Variants in RAB3B observed in about 807,000 individuals in gnomAD.
The protein encoded by RAB3B is ras-related protein Rab-3B.
In RAB3B, 11 loss-of-function variants were observed where a neutral mutation model predicts 20.5. That is an observed-to-expected ratio of 0.54 (90% CI 0.34 to 0.89). The LOEUF (loss-of-function observed/expected upper bound fraction) is 0.89. Among genes scored for constraint, RAB3B ranks in the 40% least tolerant of loss-of-function variants. The probability of loss-of-function intolerance (pLI) is 0.02; values close to 1 mark genes in which losing one functional copy is unlikely to be tolerated. For synonymous variants in RAB3B, 99 were observed against 106.3 expected, an observed-to-expected ratio of 0.93 and a Z score of 0.42; for missense variants, 225 against 280.9, an observed-to-expected ratio of 0.80 and a Z score of 1.42.
chr1:51,912,120 C>CTTTTT lies in RAB3B; in HGVS notation c.*7802_*7806dup, dbSNP rs958329774. 7 of 131,854 alleles carry CTTTTT rather than the reference C, an allele frequency of 5.3e-5. 1 individual carries two copies. The highest frequency in any genetic ancestry group is 8.1e-5 in the Admixed American group (1 of 12,374). 8.2% of individuals were successfully genotyped at this position (131,854 alleles called of 1,614,324 possible). On this transcript the variant is annotated 3_prime_UTR_variant, in exon 5 of 5. Coordinates refer to ENST00000371655, the MANE Select transcript of RAB3B (RefSeq NM_002867.4). ...TCTTCTTTTTTTTCTTTCTTTCTTT[C>CTTTTT]TTTTTTTTTTTTTTTTGAGAGGGGG...
intron 3 of RAB3B, among the ~76,000 whole-genome samples, chr1:51,934,072 G>C (rs531351547): frequency 3.5e-4 from 53 of 152,252 alleles, no homozygotes; most frequent in Admixed American, 3.1e-3. Context: ...ACAGGTATTT[G>C]ATCACAATGA....
At chr1:51,952,524 G>A in intron 2 of RAB3B, among the ~76,000 whole-genome samples, 1 of 152,126 alleles carries the variant, frequency 6.6e-6, no homozygotes, top group East Asian at 1.9e-4. Flanking sequence ...CCTATATCAG[G>A]AATTTGCTTC....
At chr1:51,940,336 G>T (rs929475824) in intron 2 of RAB3B, among the ~76,000 whole-genome samples, 3 of 152,158 alleles carry the variant, frequency 2.0e-5, no homozygotes, top group African/African-American at 7.2e-5. Flanking sequence ...AAAAAAAAAT[G>T]AGTTGGCTGG....
Position 51,945,866 on chromosome 1 carries a change from G to A in RAB3B, c.229-8454C>T, listed in dbSNP as rs536342093. Among the ~76,000 whole-genome samples, 14 of 152,298 alleles carry A rather than the reference G, an allele frequency of 9.2e-5. No individual in the cohort carries two copies. The East Asian group carries it at 2.3e-3, about 25-fold the overall frequency. On this transcript the variant is annotated intron_variant, in intron 2 of 4. Transcript: ENST00000371655. ...TGAGCAGGCCTTGGCCTAACTCCCA[G>A]CTCTGCCATTCATCAGCAATGTGAT...
At chr1:51,940,804 A>G (rs1449281001) in intron 2 of RAB3B, among the ~76,000 whole-genome samples, 1 of 152,132 alleles carries the variant, frequency 6.6e-6, no homozygotes, top group African/African-American at 2.4e-5. Context: ...TTATTATTAC[A>G]TATCCATTAA....
In RAB3B at chr1:51,912,443, C is replaced by T. The variant is rs1315330318; in HGVS notation, c.*7484G>A. The T allele has an allele frequency of 6.7e-6, 1 of 148,286 alleles. No individual in the cohort carries two copies. The highest frequency in any genetic ancestry group is 1.5e-5 in the Non-Finnish European group (1 of 67,306). The allele number at this position is 148,286 out of a possible 1,614,324, so 9.2% of individuals were successfully genotyped here. On this transcript the variant is annotated 3_prime_UTR_variant, in exon 5 of 5. Transcript: ENST00000371655. ...GCCATTGAGGCTGGATGCGGTGGCT[C>T]ATACGTACAATCCTAGTGACTCAGG... is the stretch of plus-strand genomic sequence containing the variant.
chr1:51,953,891 AGATACTTTTT>A (rs1260816730), intron 2 of RAB3B, among the ~76,000 whole-genome samples: 1 of 152,282 alleles, frequency 6.6e-6, no homozygotes, highest in Non-Finnish European at 1.5e-5. Context: ...TGAAATTATG[AGATACTTTTT>A]TAACCTACTG....
intron 2 of RAB3B, among the ~76,000 whole-genome samples, chr1:51,970,382 G>T (rs1056374909): frequency 2.0e-5 from 3 of 152,050 alleles, no homozygotes; most frequent in Non-Finnish European, 4.4e-5. Flanking sequence ...TAATAATGAG[G>T]CTTCTCTCCT....
chr1:51,971,330 C>A (rs558530388), intron 2 of RAB3B, among the ~76,000 whole-genome samples: 1 of 152,076 alleles, frequency 6.6e-6, no homozygotes, highest in Non-Finnish European at 1.5e-5. Flanking sequence ...AAAGCAGTCT[C>A]CCCCTATCCT....
chr1:51,954,804 T>C (rs1464992128), intron 2 of RAB3B, among the ~76,000 whole-genome samples: 1 of 152,214 alleles, frequency 6.6e-6, no homozygotes, highest in Admixed American at 6.5e-5. Context: ...TTAATATCTT[T>C]AAAAAAGGAT....
In RAB3B at chr1:51,909,582, T is replaced by C. The variant is rs117166240; in HGVS notation, c.*10345A>G. 1.2e-4 allele frequency: 18 copies of C among 152,308 alleles called. No individual in the cohort carries two copies. The East Asian group carries it at 1.7e-3, about 15-fold the overall frequency. The allele number at this position is 152,308 out of a possible 1,614,324, so 9.4% of individuals were successfully genotyped here. ...CATTCCTCACTCCTGGAGGCTGATTTCTGGGGGAAGGAGGAAGTGCATGAG... is the reference window on the plus strand; with the variant it reads ...CATTCCTCACTCCTGGAGGCTGATTCCTGGGGGAAGGAGGAAGTGCATGAG... On this transcript the variant is annotated 3_prime_UTR_variant, in exon 5 of 5. Transcript: ENST00000371655.
intron 2 of RAB3B, among the ~76,000 whole-genome samples, chr1:51,973,051 A>G (rs946048230): frequency 1.8e-4 from 27 of 152,058 alleles, no homozygotes; most frequent in African/African-American, 6.3e-4. Flanking sequence ...ATTTCCATCC[A>G]CCCTTCAAAC....
At chr1:51,967,845 G>A (rs1357879488) in intron 2 of RAB3B, among the ~76,000 whole-genome samples, 1 of 152,008 alleles carries the variant, frequency 6.6e-6, no homozygotes, top group Non-Finnish European at 1.5e-5. Flanking sequence ...AACAGATGCT[G>A]TAGTAGTCAG....
In RAB3B at chr1:51,949,812, G is replaced by A. The variant is rs1011554382; in HGVS notation, c.229-12400C>T. ...GGCCCCACCACTGCTTCTGTCGCAC[G>A]GGGTGGCTGCCTTCCACCAGTGGAG... is the stretch of plus-strand genomic sequence containing the variant. On this transcript the variant is annotated intron_variant, in intron 2 of 4. Coordinates refer to ENST00000371655, the MANE Select transcript of RAB3B (RefSeq NM_002867.4). Among the ~76,000 whole-genome samples, 10 of 152,246 alleles carry A rather than the reference G, an allele frequency of 6.6e-5. No individual in the cohort carries two copies. The South Asian group carries it at 8.3e-4, about 13-fold the overall frequency.
chr1:51,982,719 A>G (rs1685103506), intron 1 of RAB3B, among the ~76,000 whole-genome samples: 1 of 152,082 alleles, frequency 6.6e-6, no homozygotes, highest in Non-Finnish European at 1.5e-5. Flanking sequence ...ACTGCACTCC[A>G]GCCTGGGTGA....
chr1:51,937,009 T>C (rs558907976), intron 3 of RAB3B, among the ~76,000 whole-genome samples: 2 of 152,288 alleles, frequency 1.3e-5, no homozygotes, highest in Admixed American at 1.3e-4. Context: ...AGACGGGGTT[T>C]CACCATGTTG....
chr1:51,949,841 AG>A (rs1322251856), intron 2 of RAB3B, among the ~76,000 whole-genome samples: 1 of 152,184 alleles, frequency 6.6e-6, no homozygotes, highest in African/African-American at 2.4e-5. Flanking sequence ...AGTGGAGGGC[AG>A]GGGGCCACAG....
At chr1:51,928,571 A>G (rs1290269958) in intron 4 of RAB3B, among the ~76,000 whole-genome samples, 1 of 152,234 alleles carries the variant, frequency 6.6e-6, no homozygotes, top group Non-Finnish European at 1.5e-5. Flanking sequence ...TACCTGAGAC[A>G]GCAGAGGGGT....
intron 2 of RAB3B, among the ~76,000 whole-genome samples, chr1:51,949,491 G>A (rs900313975): frequency 6.6e-6 from 1 of 152,172 alleles, no homozygotes; most frequent in African/African-American, 2.4e-5. Flanking sequence ...CCGCACCTTC[G>A]GCCCCTGGAG....
Sources: gnomAD v4.1 joint callset for allele counts (sites outside exome capture counted in the v4.1 genomes callset) on GRCh38, gnomAD v4.1.1 for gene constraint, MANE v1.5 for transcripts, NCBI Gene and HGNC (gene_info 2026-07-23, HGNC 2026-07-21) for gene names.